ELAPOR2: variants seen among roughly 807,000 people sequenced by gnomAD.
ELAPOR2 encodes endosome/lysosome-associated apoptosis and autophagy regulator family member 2.
A neutral mutation model predicts 120.7 loss-of-function variants in ELAPOR2; 89 were observed. The ratio of observed to expected loss-of-function variants is 0.74; its 90% confidence interval spans 0.62 to 0.88. The LOEUF is 0.88. Ranked by LOEUF, ELAPOR2 falls within the 40% of genes least tolerant of loss-of-function variation. ELAPOR2 has a pLI of 0.00. For synonymous variants in ELAPOR2, 444 were observed against 444.9 expected, an observed-to-expected ratio of 1.00 and a Z score of 0.03; for missense variants, 1,134 against 1,251.6, an observed-to-expected ratio of 0.91 and a Z score of 1.42.
chr7:86,965,926 G>A (rs547562357), intron 1 of ELAPOR2: 11 of 985,064 alleles, frequency 1.1e-5, no homozygotes, highest in African/African-American at 7.0e-5. Flanking sequence ...ATCACCATGC[G>A]GACATCAGGA....
rs139498845 is a variant in ELAPOR2 at position 86,967,092 on chromosome 7, T to C, written c.190-2068A>G. On this transcript the variant is annotated intron_variant, in intron 1 of 21. Transcript: ENST00000450689. The stretch of plus-strand genomic sequence containing the variant: ...TTCAGCCTACCACACCCTCCCATGG[T>C]AGAATAGCCTTGGCCTGCCATGTAT... 3.5e-4 allele frequency among the ~76,000 whole-genome samples: 54 copies of C among 152,320 alleles called. No homozygotes were observed. The East Asian group carries it at 9.6e-3, about 27-fold the overall frequency.
chr7:86,921,806 CAGG>C (rs910217070), intron 10 of ELAPOR2, among the ~76,000 whole-genome samples: 7 of 152,020 alleles, frequency 4.6e-5, no homozygotes, highest in African/African-American at 1.7e-4. Flanking sequence ...ACAAGAAATG[CAGG>C]AGGACAATGG....
Position 86,877,042 on chromosome 7 carries a change from C to T in ELAPOR2, c.*3429G>A, listed in dbSNP as rs992198613. ...GCCCACATGCCCTGCAAAGCCAAAACTATGTACTATCTGACCCTTTACAAA... is the reference window on the plus strand; with the variant it reads ...GCCCACATGCCCTGCAAAGCCAAAATTATGTACTATCTGACCCTTTACAAA... On this transcript the variant is annotated 3_prime_UTR_variant, in exon 22 of 22. Coordinates refer to ENST00000450689, the MANE Select transcript of ELAPOR2 (RefSeq NM_001142749.3). 39 of 152,130 alleles carry T rather than the reference C, an allele frequency of 2.6e-4. No homozygotes were observed. Among genetic ancestry groups the T allele is most frequent in the African/African-American group, 9.2e-4 (38 of 41,448 alleles). 9.4% of individuals were successfully genotyped at this position (152,130 alleles called of 1,614,324 possible).
intron 1 of ELAPOR2, among the ~76,000 whole-genome samples, chr7:86,987,161 G>T (rs200710506): frequency 2.6e-5 from 4 of 152,254 alleles, no homozygotes; most frequent in African/African-American, 9.6e-5. Context: ...AGCTGAAACT[G>T]GATCCCTTCC....
At chr7:86,955,969 GGAAAAGAAAAGAAAAAGAA>G (rs947317594) in intron 2 of ELAPOR2, among the ~76,000 whole-genome samples, 2 of 146,228 alleles carry the variant, frequency 1.4e-5, no homozygotes, top group Non-Finnish European at 3.0e-5. Context: ...AAAAAAAAAA[GGAAAAGAAAAGAAAAAGAA>G]AAAAAGAAAA....
intron 10 of ELAPOR2, 92 bp downstream of exon 10, chr7:86,925,436 A>G (rs1325486306): frequency 2.3e-6 from 3 of 1,327,946 alleles, no homozygotes. Context: ...AGTTCCTCAT[A>G]CCCATACTTG....
chr7:86,974,887 C>T (rs573639830), intron 1 of ELAPOR2, among the ~76,000 whole-genome samples: 45 of 152,162 alleles, frequency 3.0e-4, no homozygotes, highest in Admixed American at 1.3e-4. Flanking sequence ...ATTAGCACCT[C>T]AGTCTAAATC....
chr7:86,911,376 C>T (rs1369814561), intron 15 of ELAPOR2, among the ~76,000 whole-genome samples: 1 of 152,032 alleles, frequency 6.6e-6, no homozygotes, highest in South Asian at 2.1e-4. Flanking sequence ...CAAAGCTTTG[C>T]ACAGTATCTC....
At chr7:86,990,978 ATATGG>A (rs1274075328) in intron 1 of ELAPOR2, among the ~76,000 whole-genome samples, 3 of 152,220 alleles carry the variant, frequency 2.0e-5, no homozygotes, top group Non-Finnish European at 4.4e-5. Context: ...CCTTTAATCT[ATATGG>A]TATGTTTGCC....
intron 1 of ELAPOR2, among the ~76,000 whole-genome samples, chr7:87,007,193 A>G (rs1793512122): frequency 6.6e-6 from 1 of 152,166 alleles, no homozygotes; most frequent in Admixed American, 6.5e-5. Flanking sequence ...TTGTATGTAC[A>G]CTGTACCTCA....
At chr7:86,962,816 G>GA (rs149121362) in intron 2 of ELAPOR2, among the ~76,000 whole-genome samples, 3 of 152,154 alleles carry the variant, frequency 2.0e-5, no homozygotes, top group Non-Finnish European at 4.4e-5. Context: ...ATTAGCAATA[G>GA]AAAATCTAAG....
intron 1 of ELAPOR2, chr7:86,966,016 C>A: frequency 1.1e-6 from 1 of 949,198 alleles, no homozygotes; most frequent in Non-Finnish European, 1.3e-6. Flanking sequence ...ACATTTTTTG[C>A]AATCTAGATA....
intron 2 of ELAPOR2, among the ~76,000 whole-genome samples, chr7:86,954,277 T>C (rs1048260170): frequency 1.1e-4 from 16 of 152,306 alleles, no homozygotes; most frequent in Middle Eastern, 3.4e-3. Flanking sequence ...TGTTACTGAA[T>C]TGAATCATTT....
At chr7:87,017,895 T>G (rs377621555) in intron 1 of ELAPOR2, among the ~76,000 whole-genome samples, 6 of 152,244 alleles carry the variant, frequency 3.9e-5, no homozygotes, top group African/African-American at 1.4e-4. Context: ...CATTCCAGCC[T>G]GGGTGACAGA....
intron 18 of ELAPOR2, among the ~76,000 whole-genome samples, chr7:86,901,988 A>C (rs1005837839): frequency 2.0e-5 from 3 of 152,186 alleles, no homozygotes; most frequent in Non-Finnish European, 2.9e-5. Flanking sequence ...TACTATGATA[A>C]AACATATTAA....
chr7:86,936,815 T>A (rs190991591), intron 8 of ELAPOR2, among the ~76,000 whole-genome samples: 1 of 152,240 alleles, frequency 6.6e-6, no homozygotes, highest in East Asian at 1.9e-4. Flanking sequence ...TACTCATGGA[T>A]GTAATTAACT....
intron 19 of ELAPOR2, among the ~76,000 whole-genome samples, chr7:86,896,406 G>T (rs1397546750): frequency 1.3e-5 from 2 of 152,008 alleles, no homozygotes; most frequent in Non-Finnish European, 2.9e-5. Flanking sequence ...TTTCCTAGGG[G>T]TGAGGTGAAC....
intron 21 of ELAPOR2, among the ~76,000 whole-genome samples, chr7:86,882,561 C>T (rs985295005): frequency 1.3e-5 from 2 of 152,138 alleles, no homozygotes; most frequent in African/African-American, 4.8e-5. Context: ...GATATACACA[C>T]ATACACATGT....
chr7:86,993,242 A>AAAAAAAAAG (rs1360686007), intron 1 of ELAPOR2, among the ~76,000 whole-genome samples: 12 of 149,944 alleles, frequency 8.0e-5, no homozygotes, highest in Admixed American at 2.0e-4. Context: ...CTCAAAAAAA[A>AAAAAAAAAG]AAAAAAAAGA....
Sources: gnomAD v4.1 joint callset for allele counts (sites outside exome capture counted in the v4.1 genomes callset) on GRCh38, gnomAD v4.1.1 for gene constraint, MANE v1.5 for transcripts, NCBI Gene and HGNC (gene_info 2026-07-23, HGNC 2026-07-21) for gene names.